USH2A: variants seen among roughly 807,000 people sequenced by gnomAD.
USH2A encodes the protein Usher syndrome 2A (autosomal recessive, mild).
In USH2A, 443 loss-of-function variants were observed where a neutral mutation model predicts 538.9. The observed-to-expected ratio is 0.82, with a 90% CI of 0.76 to 0.89. USH2A has a LOEUF of 0.89. USH2A is among the 40% of genes least tolerant of loss of function. The probability of loss-of-function intolerance (pLI) is 0.00; values close to 1 mark genes in which losing one functional copy is unlikely to be tolerated. For missense variants in USH2A, 6,633 were observed against 6,324.8 expected, an observed-to-expected ratio of 1.05 and a Z score of -1.65; for synonymous variants, 2,413 against 2,273.5, an observed-to-expected ratio of 1.06 and a Z score of -1.75.
At chr1:215,842,811 G>A (rs1261091162) in intron 46 of USH2A, among the ~76,000 whole-genome samples, 2 of 151,986 alleles carry the variant, frequency 1.3e-5, no homozygotes, top group East Asian at 1.9e-4. Context: ...GGCCTGTTGG[G>A]GGGGCATCAG....
chr1:216,084,646 A>C lies in USH2A; in HGVS notation c.5167+52T>G, dbSNP rs1379156680. Reference sequence around the variant, plus strand: ...AAACAGGAGAGATTAAATTATACAAAGGATAGAACATAGATTTTAAGTGAA... The same window carrying C: ...AAACAGGAGAGATTAAATTATACAACGGATAGAACATAGATTTTAAGTGAA... On this transcript the variant is annotated intron_variant, in intron 25 of 71. Coordinates refer to ENST00000307340, the MANE Select transcript of USH2A (RefSeq NM_206933.4). 3.1e-6 allele frequency: 5 copies of C among 1,590,002 alleles called. No individual in the cohort carries two copies. In the East Asian group the frequency reaches 1.1e-4, roughly 36 times the overall value.
intron 32 of USH2A, among the ~76,000 whole-genome samples, chr1:216,033,415 T>C (rs1669173648): frequency 6.6e-6 from 1 of 152,166 alleles, no homozygotes; most frequent in African/African-American, 2.4e-5. Context: ...GGAAAGTAAA[T>C]TCCAGTCAGA....
At chr1:216,217,582 A>C in intron 14 of USH2A, 32 bp from the exon 15 acceptor site, 1 of 1,610,212 alleles carries the variant, frequency 6.2e-7, no homozygotes, top group South Asian at 1.1e-5. Flanking sequence ...CATCAAAGAG[A>C]ATAGTGTTTT....
intron 14 of USH2A, among the ~76,000 whole-genome samples, chr1:216,230,030 C>G (rs2035645370): frequency 6.6e-6 from 1 of 152,110 alleles, no homozygotes; most frequent in Non-Finnish European, 1.5e-5. Context: ...TTGCTGATAA[C>G]CCTGGGAAGA....
At chr1:215,847,646 GGAAAAAAAAAAAAA>G (rs1663899150) in intron 44 of USH2A, among the ~76,000 whole-genome samples, 1 of 148,576 alleles carries the variant, frequency 6.7e-6, no homozygotes, top group African/African-American at 2.5e-5. Flanking sequence ...CCATGTCTCA[GGAAAAAAAAAAAAA>G]GAAAAAAAGT....
intron 2 of USH2A, among the ~76,000 whole-genome samples, chr1:216,420,102 T>C (rs1225148458): frequency 1.3e-5 from 2 of 152,140 alleles, no homozygotes; most frequent in African/African-American, 4.8e-5. Flanking sequence ...GTTGAATATT[T>C]CTAATTTACT....
chr1:215,993,607 C>A (rs1324224536), intron 34 of USH2A, among the ~76,000 whole-genome samples: 1 of 152,036 alleles, frequency 6.6e-6, no homozygotes, highest in Non-Finnish European at 1.5e-5. Context: ...AAACAACTGA[C>A]TTCTAGGGAA....
At chr1:215,828,402 C>A (rs1663216151) in intron 47 of USH2A, among the ~76,000 whole-genome samples, 1 of 152,242 alleles carries the variant, frequency 6.6e-6, no homozygotes, top group African/African-American at 2.4e-5. Context: ...CTGCAGTGAG[C>A]TGCACTCCAG....
intron 47 of USH2A, among the ~76,000 whole-genome samples, chr1:215,822,138 T>C (rs1468324916): frequency 6.6e-6 from 1 of 151,908 alleles, no homozygotes; most frequent in Non-Finnish European, 1.5e-5. Context: ...ATTTTAGAAA[T>C]ACTTTTCTAT....
intron 37 of USH2A, among the ~76,000 whole-genome samples, chr1:215,945,781 C>A (rs2102435935): frequency 6.6e-6 from 1 of 152,136 alleles, no homozygotes; most frequent in African/African-American, 2.4e-5. Context: ...AAAAAGCGGA[C>A]CTGGGAATCT....
intron 14 of USH2A, among the ~76,000 whole-genome samples, chr1:216,220,437 C>T (rs894949933): frequency 1.3e-5 from 2 of 149,202 alleles, no homozygotes; most frequent in Non-Finnish European, 3.0e-5. Context: ...AAAGATGTAT[C>T]CAGACTCTAA....
chr1:216,339,275 C>CAT (rs925508699), intron 4 of USH2A, among the ~76,000 whole-genome samples: 29 of 150,782 alleles, frequency 1.9e-4, no homozygotes, highest in Admixed American at 1.2e-3. Flanking sequence ...TATATATGTG[C>CAT]ATATATATAT....
intron 20 of USH2A, among the ~76,000 whole-genome samples, chr1:216,180,758 T>C (rs2034477564): frequency 6.6e-6 from 1 of 152,158 alleles, no homozygotes; most frequent in Non-Finnish European, 1.5e-5. Flanking sequence ...GGGAGCAGAC[T>C]ACATAAGACA....
At chr1:216,142,535 C>G (rs1329742322) in intron 21 of USH2A, among the ~76,000 whole-genome samples, 1 of 152,158 alleles carries the variant, frequency 6.6e-6, no homozygotes, top group Non-Finnish European at 1.5e-5. Flanking sequence ...ATGCACTTAG[C>G]AGTTTTGTCT....
intron 44 of USH2A, among the ~76,000 whole-genome samples, chr1:215,847,937 T>C (rs959269091): frequency 6.6e-6 from 1 of 152,194 alleles, no homozygotes; most frequent in Non-Finnish European, 1.5e-5. Flanking sequence ...AAGGGTATGA[T>C]GTGCCAGTGT....
chr1:216,172,203 T>G (rs2034287803), intron 21 of USH2A, among the ~76,000 whole-genome samples: 1 of 152,102 alleles, frequency 6.6e-6, no homozygotes, highest in Non-Finnish European at 1.5e-5. Flanking sequence ...ATCCCTTTCT[T>G]GTACTACAAT....
At chr1:216,398,129 C>T (rs1158335308) in intron 3 of USH2A, among the ~76,000 whole-genome samples, 2 of 152,208 alleles carry the variant, frequency 1.3e-5, no homozygotes, top group Non-Finnish European at 2.9e-5. Context: ...CAGCCAACAG[C>T]TATTTTAAAA....
intron 45 of USH2A, among the ~76,000 whole-genome samples, chr1:215,845,084 A>G (rs865901529): frequency 1.1e-4 from 17 of 152,200 alleles, no homozygotes; most frequent in African/African-American, 3.6e-4. Context: ...TTATTCAAGC[A>G]TGTCAGAAAT....
chr1:216,232,213 C>A (rs1192400231), intron 13 of USH2A, 77 bp from the exon 14 acceptor site: 1 of 1,444,106 alleles, frequency 6.9e-7, no homozygotes, highest in East Asian at 2.5e-5. Flanking sequence ...ATTGATTACA[C>A]AGAAAAACAG....
Sources: allele counts gnomAD v4.1 joint callset (sites outside exome capture counted in the v4.1 genomes callset), GRCh38; gene constraint gnomAD v4.1.1; transcripts MANE v1.5; gene names NCBI Gene and HGNC (gene_info 2026-07-23, HGNC 2026-07-21).